The following FANCA variants were observed in gnomAD, a reference collection of about 807,000 sequenced individuals.
FANCA encodes the protein Fanconi anemia group A protein.
A neutral mutation model predicts 194.3 loss-of-function variants in FANCA; 236 were observed. The observed-to-expected ratio is 1.21, with a 90% confidence interval of 1.09 to 1.35. The LOEUF is 1.35. FANCA is among the 40% of genes most tolerant of loss of function. The probability of loss-of-function intolerance (pLI) is 0.00; values close to 1 mark genes in which losing one functional copy is unlikely to be tolerated. For synonymous variants in FANCA, 1,014 were observed against 715.8 expected, an observed-to-expected ratio of 1.42 and a Z score of -6.65; for missense variants, 2,628 against 1,813.9, an observed-to-expected ratio of 1.45 and a Z score of -8.15.
chr16:89,745,197 G>T, intron 35 of FANCA, 126 bp from the exon 36 acceptor site: 3 of 859,044 alleles, frequency 3.5e-6, no homozygotes, highest in Non-Finnish European at 5.6e-6. Flanking sequence ...CTGCGCTCTG[G>T]AACTCCAAAG....
intron 10 of FANCA, among the ~76,000 whole-genome samples, chr16:89,797,174 A>T (rs1387349036): frequency 1.3e-5 from 2 of 151,714 alleles, no homozygotes; most frequent in Non-Finnish European, 2.9e-5. Context: ...AAAGAAAAAT[A>T]AAAAAAATTA....
At chr16:89,776,451 G>A (rs2039509582) in intron 20 of FANCA, among the ~76,000 whole-genome samples, 1 of 151,814 alleles carries the variant, frequency 6.6e-6, no homozygotes, top group African/African-American at 2.4e-5. Context: ...ACAGGCGTGA[G>A]CCACCACGCC....
At chr16:89,754,041 G>A (rs911912526) in intron 30 of FANCA, among the ~76,000 whole-genome samples, 8 of 152,086 alleles carry the variant, frequency 5.3e-5, no homozygotes, top group Non-Finnish European at 1.0e-4. Flanking sequence ...GACACACAGC[G>A]ACACTCTGTC....
intron 3 of FANCA, among the ~76,000 whole-genome samples, chr16:89,814,266 C>T (rs977501111): frequency 6.6e-6 from 1 of 152,176 alleles, no homozygotes; most frequent in African/African-American, 2.4e-5. Context: ...TGCTATGTCC[C>T]ATGTTTTTCC....
chr16:89,786,999 G>C (rs568573501), intron 14 of FANCA, among the ~76,000 whole-genome samples: 20 of 152,312 alleles, frequency 1.3e-4, no homozygotes, highest in African/African-American at 4.6e-4. Context: ...GGCCGCAGCA[G>C]GAACAGTCCA....
intron 30 of FANCA, among the ~76,000 whole-genome samples, chr16:89,753,584 T>C (rs1413736793): frequency 2.0e-5 from 3 of 152,178 alleles, no homozygotes. Context: ...CCTTTTGTGA[T>C]AAAAACACTC....
chr16:89,785,337 A>G (rs529716148), intron 14 of FANCA, among the ~76,000 whole-genome samples: 2 of 152,228 alleles, frequency 1.3e-5, no homozygotes. Context: ...TTAGGGGTAC[A>G]ATTTGCTAAA....
At chr16:89,791,638 C>A in intron 13 of FANCA, 102 bp from the exon 14 acceptor site, 1 of 1,475,080 alleles carries the variant, frequency 6.8e-7, no homozygotes, top group Non-Finnish European at 9.3e-7. Context: ...GGAGACTGTG[C>A]ACACCCAAAC....
chr16:89,811,219 C>T, intron 3 of FANCA, 148 bp from the exon 4 acceptor site: 2 of 965,576 alleles, frequency 2.1e-6, no homozygotes, highest in South Asian at 1.4e-5. Flanking sequence ...AAGGGAAAAA[C>T]ATGAGATAAA....
intron 14 of FANCA, among the ~76,000 whole-genome samples, chr16:89,788,778 C>T (rs2039976788): frequency 6.6e-6 from 1 of 152,060 alleles, no homozygotes; most frequent in African/African-American, 2.4e-5. Flanking sequence ...CCAGCCTGGG[C>T]AACACTCAGT....
intron 6 of FANCA, 98 bp downstream of exon 6, chr16:89,808,196 G>T: frequency 1.7e-6 from 2 of 1,145,066 alleles, no homozygotes; most frequent in Non-Finnish European, 2.7e-6. Flanking sequence ...ATATGTCAAA[G>T]CCAGAAATCA....
chr16:89,788,138 G>C (rs773324995), intron 14 of FANCA, among the ~76,000 whole-genome samples: 5 of 152,132 alleles, frequency 3.3e-5, no homozygotes, highest in Non-Finnish European at 5.9e-5. Flanking sequence ...CTCCCACAGT[G>C]CTGGTATTTG....
rs1354391809 is a variant in FANCA at position 89,805,305 on chromosome 16, A to G, written c.684T>C (p.Ala228=). The G allele has an allele frequency of 6.2e-7, 1 of 1,613,866 alleles. No individual in the cohort carries two copies. The highest frequency in any genetic ancestry group is 1.7e-5 in the Admixed American group (1 of 59,986). Residue 228 remains alanine, a synonymous_variant, in exon 7 of 43, where the codon GCT becomes GCC. Transcript: ENST00000389301. ...CEQMEASCQH[A]DVARAMLSDF... is the part of the protein sequence containing the mutation. ...CAGAAAGCATGGCCCTGGCGACGTCAGCATGCTGGCAGGATGCTTCCATCT... is the reference window on the plus strand; with the variant it reads ...CAGAAAGCATGGCCCTGGCGACGTCGGCATGCTGGCAGGATGCTTCCATCT...
At chr16:89,811,108 A>G in intron 3 of FANCA, 37 bp from the exon 4 acceptor site, 2 of 1,613,162 alleles carry the variant, frequency 1.2e-6, no homozygotes, top group Non-Finnish European at 1.7e-6. Flanking sequence ...TTCTCTTAAC[A>G]CATGAGACAA....
At chr16:89,789,580 C>T (rs376038126) in intron 14 of FANCA, among the ~76,000 whole-genome samples, 13 of 151,670 alleles carry the variant, frequency 8.6e-5, no homozygotes, top group African/African-American at 3.1e-4. Flanking sequence ...GCCAGGACCA[C>T]AGGTGCTTAC....
At chr16:89,789,797 T>C (rs2143512098) in intron 14 of FANCA, among the ~76,000 whole-genome samples, 1 of 152,220 alleles carries the variant, frequency 6.6e-6, no homozygotes, top group South Asian at 2.1e-4. Context: ...TCACAAGCAC[T>C]AAAAGAGAAA....
intron 32 of FANCA, 67 bp downstream of exon 32, chr16:89,749,663 T>C: frequency 1.9e-6 from 3 of 1,555,066 alleles, no homozygotes; most frequent in Non-Finnish European, 2.6e-6. Flanking sequence ...AAAGAACCTC[T>C]AGGACCGTCA....
intron 5 of FANCA, among the ~76,000 whole-genome samples, chr16:89,809,664 A>G (rs1435332337): frequency 2.6e-5 from 4 of 152,016 alleles, no homozygotes; most frequent in African/African-American, 7.2e-5. Flanking sequence ...AGCCTGACCA[A>G]CATGGAGAAA....
intron 14 of FANCA, among the ~76,000 whole-genome samples, chr16:89,787,313 G>A (rs2039931457): frequency 6.6e-6 from 1 of 152,138 alleles, no homozygotes; most frequent in African/African-American, 2.4e-5. Context: ...CACGAGTTCA[G>A]GAGATCGAGA....
Sources: gnomAD v4.1 joint callset for allele counts (sites outside exome capture counted in the v4.1 genomes callset) on GRCh38, gnomAD v4.1.1 for gene constraint, MANE v1.5 for transcripts, NCBI Gene and HGNC (gene_info 2026-07-23, HGNC 2026-07-21) for gene names.